Variants in SRGAP2 observed in about 807,000 individuals in gnomAD.
The protein encoded by SRGAP2 is SLIT-ROBO Rho GTPase-activating protein 2.
A neutral mutation model predicts 57.2 loss-of-function variants in SRGAP2; 15 were observed. The observed-to-expected ratio is 0.26, with a 90% CI of 0.18 to 0.40. The LOEUF (loss-of-function observed/expected upper bound fraction) is 0.40, where lower values mean the gene tolerates loss of function less well. Among genes scored for constraint, SRGAP2 ranks in the 10% least tolerant of loss-of-function variants. The pLI is 1.00. For missense variants in SRGAP2, 520 were observed against 669.6 expected (o/e 0.78, Z 2.47); for synonymous variants, 249 against 248.0 (o/e 1.00, Z -0.04).
At chr1:206,355,574 G>T (rs1174723770) in intron 4 of SRGAP2, among the ~76,000 whole-genome samples, 1 of 152,122 alleles carries the variant, frequency 6.6e-6, no homozygotes, top group Non-Finnish European at 1.5e-5. Flanking sequence ...CAAATATTGG[G>T]TGCCAGTTCA....
At chr1:206,265,448 T>C (rs1384510142) in intron 2 of SRGAP2, among the ~76,000 whole-genome samples, 1 of 36,560 alleles carries the variant, frequency 2.7e-5, no homozygotes, top group Non-Finnish European at 5.6e-5. Context: ...AGTAAAAATA[T>C]AAAAATTCAA....
At chr1:206,290,923 G>A (rs1435513145) in intron 2 of SRGAP2, among the ~76,000 whole-genome samples, 1 of 152,108 alleles carries the variant, frequency 6.6e-6, no homozygotes, top group Non-Finnish European at 1.5e-5. Context: ...CCAGTTGATA[G>A]CATCTCTAGA....
intron 17 of SRGAP2, among the ~76,000 whole-genome samples, chr1:206,443,602 C>CCGT (rs1662500320): frequency 6.6e-6 from 1 of 152,138 alleles, no homozygotes; most frequent in Non-Finnish European, 1.5e-5. Context: ...GTCTCAAACT[C>CCGT]CTGACCTCAG....
intron 14 of SRGAP2, among the ~76,000 whole-genome samples, chr1:206,434,686 C>G (rs1553369391): frequency 1.3e-5 from 2 of 152,188 alleles, no homozygotes; most frequent in Non-Finnish European, 2.9e-5. Context: ...CCCTCCAAAA[C>G]ATAAGTTCTC....
intron 13 of SRGAP2, among the ~76,000 whole-genome samples, chr1:206,428,420 C>CAA (rs71152470): frequency 0.014 from 860 of 60,002 alleles, 17 homozygotes; most frequent in African/African-American, 0.041. Context: ...GACTCTGTCT[C>CAA]AAAAAAAAAA....
intron 4 of SRGAP2, among the ~76,000 whole-genome samples, chr1:206,352,808 C>CT (rs1553338476): frequency 2.0e-5 from 3 of 151,342 alleles, no homozygotes. Flanking sequence ...AATATATCAT[C>CT]TTTTTGTTTG....
At chr1:206,375,587 G>C (rs1655123783) in intron 4 of SRGAP2, among the ~76,000 whole-genome samples, 2 of 152,080 alleles carry the variant, frequency 1.3e-5, no homozygotes, top group South Asian at 4.1e-4. Flanking sequence ...TATTAGGATA[G>C]GTCATTCAAA....
intron 18 of SRGAP2, 104 bp downstream of exon 18, chr1:206,446,403 C>T (rs950126882): frequency 1.4e-6 from 1 of 718,904 alleles, no homozygotes. Flanking sequence ...CAGATCCTCC[C>T]AACTCCTCAC....
intron 4 of SRGAP2, among the ~76,000 whole-genome samples, chr1:206,366,407 G>T (rs1454776883): frequency 2.0e-4 from 30 of 152,192 alleles, no homozygotes; most frequent in Non-Finnish European, 4.4e-4. Flanking sequence ...GAGGAGCCCT[G>T]TAGCGCCTGT....
chr1:206,375,148 C>T (rs1655084617), intron 4 of SRGAP2, among the ~76,000 whole-genome samples: 2 of 148,774 alleles, frequency 1.3e-5, no homozygotes, highest in African/African-American at 5.0e-5. Context: ...AGTACCTTAT[C>T]ATTCTGGCTC....
At chr1:206,437,902 C>T (rs890588126) in intron 15 of SRGAP2, 62 bp from the exon 16 acceptor site, 20 of 773,616 alleles carry the variant, frequency 2.6e-5, no homozygotes, top group Admixed American at 3.4e-5. Flanking sequence ...TCCCCACGTT[C>T]GTCCTGTGTG....
At chr1:206,443,625 C>T (rs998959131) in intron 17 of SRGAP2, among the ~76,000 whole-genome samples, 7 of 152,144 alleles carry the variant, frequency 4.6e-5, no homozygotes, top group African/African-American at 1.7e-4. Flanking sequence ...GATCCACCCA[C>T]CTCGACCTCA....
At chr1:206,267,086 A>C (rs1218122740) in intron 2 of SRGAP2, among the ~76,000 whole-genome samples, 1 of 148,826 alleles carries the variant, frequency 6.7e-6, no homozygotes, top group Non-Finnish European at 1.5e-5. Flanking sequence ...CTCCTGCCTC[A>C]GCCTCCCAAG....
At chr1:206,319,359 C>T (rs1158678734) in intron 3 of SRGAP2, among the ~76,000 whole-genome samples, 6 of 151,296 alleles carry the variant, frequency 4.0e-5, no homozygotes, top group East Asian at 1.9e-4. Flanking sequence ...TTCAGTGAGC[C>T]GAGATCGCGC....
chr1:206,347,265 A>C (rs540569399), intron 4 of SRGAP2, among the ~76,000 whole-genome samples: 141 of 152,148 alleles, frequency 9.3e-4, no homozygotes, highest in East Asian at 4.2e-3. Context: ...AAAAAAAAAA[A>C]AACAACAAAA....
intron 10 of SRGAP2, among the ~76,000 whole-genome samples, chr1:206,411,170 C>T (rs1190770874): frequency 6.6e-6 from 1 of 152,090 alleles, no homozygotes; most frequent in African/African-American, 2.4e-5. Context: ...TAAGTATTTC[C>T]TTTTATAGGG....
Position 206,385,975 on chromosome 1 carries a change from A to G in SRGAP2, c.486+1899A>G, listed in dbSNP as rs139274905. 4.9e-3 allele frequency among the ~76,000 whole-genome samples: 748 copies of G among 152,340 alleles called. 6 individuals carry two copies. The highest frequency in any genetic ancestry group is 0.017 in the African/African-American group (708 of 41,570). On this transcript the variant is annotated intron_variant, in intron 5 of 22. Transcript: ENST00000573034. ...ATGTTTTCCTCTAGTAGGCAATGGA[A>G]AGAGGGAAAAAAAAGAGTAGAGGCA...
intron 14 of SRGAP2, among the ~76,000 whole-genome samples, chr1:206,431,444 A>G (rs6699458): frequency 3.5e-4 from 54 of 152,358 alleles, no homozygotes; most frequent in African/African-American, 1.3e-3. Flanking sequence ...AGTATAAGAA[A>G]TTTCACAAGA....
At chr1:206,419,111 G>T (rs1274587709) in intron 11 of SRGAP2, among the ~76,000 whole-genome samples, 2 of 152,136 alleles carry the variant, frequency 1.3e-5, no homozygotes, top group Non-Finnish European at 2.9e-5. Context: ...AGCAGAATTG[G>T]CCCTAAGGTT....
Sources: allele counts gnomAD v4.1 joint callset (sites outside exome capture counted in the v4.1 genomes callset), GRCh38; gene constraint gnomAD v4.1.1; transcripts MANE v1.5; gene names NCBI Gene and HGNC (gene_info 2026-07-23, HGNC 2026-07-21).